Variants in PLD5 observed in about 807,000 individuals in gnomAD.
The protein encoded by PLD5 is inactive phospholipase D5.
A neutral mutation model predicts 61.1 loss-of-function variants in PLD5; 36 were observed. That is an observed-to-expected ratio of 0.59 (90% CI 0.45 to 0.78). The LOEUF (loss-of-function observed/expected upper bound fraction) is 0.78, where lower values mean the gene tolerates loss of function less well. Ranked by LOEUF, PLD5 falls within the 30% of genes least tolerant of loss-of-function variation. The pLI is 0.00. For missense variants in PLD5, 515 were observed against 644.4 expected (o/e 0.80, Z 2.17); for synonymous variants, 243 against 242.8 (o/e 1.00, Z -0.01).
chr1:242,419,572 ATTTTT>A (rs767869905), intron 1 of PLD5, among the ~76,000 whole-genome samples: 2 of 97,090 alleles, frequency 2.1e-5, no homozygotes, highest in South Asian at 3.6e-4. Context: ...AATTTTTTGC[ATTTTT>A]TTTTTTTTTT....
chr1:242,520,492 A>G (rs930186446), intron 1 of PLD5, among the ~76,000 whole-genome samples: 3 of 152,154 alleles, frequency 2.0e-5, no homozygotes, highest in African/African-American at 7.2e-5. Flanking sequence ...ATAAGAAATG[A>G]TATCGAAGTC....
At position 242,444,691 on chromosome 1, in the gene PLD5, T is replaced by TA. The variant is rs1404614234; in HGVS notation, c.189+79396_189+79397insT. ...ACTATACATAATATAAATATTTATATTATATAAATATTATATTATATAATA... is the reference window on the plus strand; with the variant it reads ...ACTATACATAATATAAATATTTATATATATATAAATATTATATTATATAATA... On this transcript the variant is annotated intron_variant, in intron 1 of 9. Transcript: ENST00000536534. Among the ~76,000 whole-genome samples, 74 of 137,944 alleles carry TA rather than the reference T, an allele frequency of 5.4e-4. 1 individual carries two copies. The highest frequency in any genetic ancestry group is 2.4e-3 in the South Asian group (11 of 4,586). 90.5% of individuals were successfully genotyped at this position (137,944 alleles called of 152,430 possible). A position where few individuals can be genotyped will look rare whatever the true frequency, so the allele number is the denominator to read the frequency against.
At chr1:242,411,838 C>T (rs559441372) in intron 1 of PLD5, among the ~76,000 whole-genome samples, 2 of 152,060 alleles carry the variant, frequency 1.3e-5, no homozygotes, top group East Asian at 3.9e-4. Context: ...ATTGAGCCAG[C>T]TTGAGGGTGG....
chr1:242,212,567 G>C (rs774085603), intron 5 of PLD5, among the ~76,000 whole-genome samples: 7 of 152,158 alleles, frequency 4.6e-5, no homozygotes, highest in Non-Finnish European at 8.8e-5. Context: ...ATGGGCAGGA[G>C]GCACATGCAG....
chr1:242,216,499 G>A (rs1401060679), intron 5 of PLD5, among the ~76,000 whole-genome samples: 1 of 152,216 alleles, frequency 6.6e-6, no homozygotes, highest in Non-Finnish European at 1.5e-5. Context: ...GTGGTCCTAA[G>A]ACCAACCTTT....
At chr1:242,202,315 T>C (rs971204990) in intron 5 of PLD5, among the ~76,000 whole-genome samples, 2 of 152,220 alleles carry the variant, frequency 1.3e-5, no homozygotes, top group Admixed American at 1.3e-4. Flanking sequence ...AGAGGGGTCC[T>C]CATTCCTCCC....
Position 242,084,588 on chromosome 1 carries a change from A to G in PLD5, c.*5266T>C, listed in dbSNP as rs1403180226. On this transcript the variant is annotated 3_prime_UTR_variant, in exon 10 of 10. Coordinates refer to ENST00000536534, the MANE Select transcript of PLD5 (RefSeq NM_001372062.1). ...AACTTCTATGCCCAAATGGGAAGGG[A>G]ATTTACACGTTGGGTGAGCTGGTTG... is the stretch of plus-strand genomic sequence containing the variant. The G allele has an allele frequency of 6.6e-6, 1 of 151,972 alleles. No homozygotes were observed. Among genetic ancestry groups the G allele is most frequent in the Non-Finnish European group, 1.5e-5 (1 of 68,002 alleles). 9.4% of individuals were successfully genotyped at this position (151,972 alleles called of 1,614,324 possible). A position where few individuals can be genotyped will look rare whatever the true frequency, so the allele number is the denominator to read the frequency against.
intron 1 of PLD5, among the ~76,000 whole-genome samples, chr1:242,379,023 C>A (rs150031900): frequency 2.2e-4 from 34 of 152,240 alleles, no homozygotes; most frequent in Middle Eastern, 3.4e-3. Context: ...GTCTTTCACA[C>A]TTCAGAACTT....
intron 1 of PLD5, among the ~76,000 whole-genome samples, chr1:242,351,542 T>C (rs987780928): frequency 1.3e-5 from 2 of 152,162 alleles, no homozygotes; most frequent in African/African-American, 2.4e-5. Flanking sequence ...CCTGCCCCCA[T>C]GTAAGATGTG....
chr1:242,451,679 C>T (rs1426391095), intron 1 of PLD5, among the ~76,000 whole-genome samples: 4 of 151,994 alleles, frequency 2.6e-5, no homozygotes, highest in African/African-American at 9.7e-5. Context: ...AGGCTGGTCT[C>T]GAACTCCTGA....
At chr1:242,519,744 G>A (rs535006428) in intron 1 of PLD5, among the ~76,000 whole-genome samples, 4 of 152,272 alleles carry the variant, frequency 2.6e-5, no homozygotes, top group South Asian at 4.1e-4. Context: ...AGAAGAGTCA[G>A]GCCCCCAGAT....
chr1:242,286,182 A>C (rs1014355764), intron 3 of PLD5, among the ~76,000 whole-genome samples: 5 of 152,200 alleles, frequency 3.3e-5, no homozygotes, highest in African/African-American at 1.2e-4. Flanking sequence ...TAAAGAAAAG[A>C]CAAATTTTTG....
chr1:242,344,148 CAGCTTCCTT>C (rs1348636186), intron 2 of PLD5, among the ~76,000 whole-genome samples: 1 of 152,214 alleles, frequency 6.6e-6, no homozygotes, highest in Non-Finnish European at 1.5e-5. Context: ...TAATGACCAA[CAGCTTCCTT>C]AATTTTTGTT....
chr1:242,144,090 G>C (rs997416987), intron 5 of PLD5, among the ~76,000 whole-genome samples: 8 of 151,996 alleles, frequency 5.3e-5, no homozygotes, highest in Admixed American at 3.9e-4. Context: ...GGCTGGTCTT[G>C]ATTCCTGGCC....
At chr1:242,345,447 A>G (rs1303106940) in intron 2 of PLD5, 1 of 554,360 alleles carries the variant, frequency 1.8e-6, no homozygotes, top group Non-Finnish European at 3.3e-6. Flanking sequence ...GTGCTTAAAA[A>G]ATGGCAAGGC....
At chr1:242,381,194 T>G (rs1275014981) in intron 1 of PLD5, among the ~76,000 whole-genome samples, 1 of 152,222 alleles carries the variant, frequency 6.6e-6, no homozygotes, top group Non-Finnish European at 1.5e-5. Flanking sequence ...GTTGCACATA[T>G]GCCCCATGGA....
At chr1:242,314,210 C>T (rs992448182) in intron 2 of PLD5, among the ~76,000 whole-genome samples, 1 of 152,126 alleles carries the variant, frequency 6.6e-6, no homozygotes, top group Non-Finnish European at 1.5e-5. Context: ...GGCTCAGAAA[C>T]CTGATTTGAT....
At chr1:242,340,542 T>C (rs1659771405) in intron 2 of PLD5, among the ~76,000 whole-genome samples, 1 of 151,992 alleles carries the variant, frequency 6.6e-6, no homozygotes, top group South Asian at 2.1e-4. Context: ...AATAAACTTC[T>C]GCCCCTTAAT....
chr1:242,250,284 C>T (rs1259593266), intron 4 of PLD5, among the ~76,000 whole-genome samples: 2 of 152,088 alleles, frequency 1.3e-5, no homozygotes, highest in African/African-American at 4.8e-5. Context: ...TTATTTATTG[C>T]CTACACACAT....
Sources: allele counts gnomAD v4.1 joint callset (sites outside exome capture counted in the v4.1 genomes callset), GRCh38; gene constraint gnomAD v4.1.1; transcripts MANE v1.5; gene names NCBI Gene and HGNC (gene_info 2026-07-23, HGNC 2026-07-21).